Variants in GSN observed in about 807,000 individuals in gnomAD.
GSN encodes gelsolin, also known as actin-depolymerizing factor.
In GSN, 56 loss-of-function variants were observed where a neutral mutation model predicts 85.7. The ratio of observed to expected loss-of-function variants is 0.65; its 90% CI spans 0.53 to 0.82. The LOEUF (loss-of-function observed/expected upper bound fraction) is 0.82, where lower values mean the gene tolerates loss of function less well. GSN is among the 40% of genes least tolerant of loss of function. GSN has a pLI of 0.00. For synonymous variants in GSN, 373 were observed against 399.1 expected (o/e 0.93, Z 0.78); for missense variants, 857 against 979.8 (o/e 0.87, Z 1.67).
chr9:121,263,211 T>C (rs528299044), upstream of GSN, among the ~76,000 whole-genome samples: 54 of 152,142 alleles, frequency 3.5e-4, no homozygotes, highest in Non-Finnish European at 6.8e-4. Context: ...ATTCCCACCG[T>C]GGGGACTGGG....
intron 6 of GSN, 179 bp from the exon 7 acceptor site, chr9:121,313,755 A>G (rs933378633): frequency 4.7e-6 from 3 of 641,542 alleles, no homozygotes; most frequent in African/African-American, 3.6e-5. Flanking sequence ...GGTGGAAGGG[A>G]CCTCTGATGG....
At chr9:121,236,093 C>G (rs1019122518) in intron 5 of GSN, among the ~76,000 whole-genome samples, 2 of 152,204 alleles carry the variant, frequency 1.3e-5, no homozygotes, top group Non-Finnish European at 2.9e-5. Flanking sequence ...ATGGAAGGAG[C>G]TGTTCTCCAG....
chr9:121,308,369 G>C (rs1043218108), intron 4 of GSN: 4 of 152,276 alleles, frequency 2.6e-5, no homozygotes, highest in African/African-American at 9.6e-5. Context: ...GGATGACTGA[G>C]TGATCTTTGC....
chr9:121,225,099 A>G (rs1362724363), intron 4 of GSN, among the ~76,000 whole-genome samples: 5 of 152,186 alleles, frequency 3.3e-5, no homozygotes, highest in African/African-American at 1.2e-4. Context: ...GATTACAGGC[A>G]TGAGCTACCA....
At chr9:121,324,791 A>T in intron 12 of GSN, 147 bp downstream of exon 12, 1 of 675,668 alleles carries the variant, frequency 1.5e-6, no homozygotes, top group African/African-American at 1.8e-5. Context: ...CCATCCATCC[A>T]TCCATGGAAC....
At chr9:121,288,409 C>T (rs564241158) in intron 2 of GSN, among the ~76,000 whole-genome samples, 7 of 152,132 alleles carry the variant, frequency 4.6e-5, no homozygotes, top group Non-Finnish European at 8.8e-5. Flanking sequence ...GAGCTGGGCA[C>T]GTGGGAGGCT....
At position 121,332,331 on chromosome 9, in the gene GSN, T is replaced by C; in HGVS notation, c.2027-103T>C. On this transcript the variant is annotated intron_variant, in intron 17 of 17. Transcript: ENST00000432226. The surrounding 1 kb of genome is among the most constrained non-coding windows in gnomAD (Gnocchi z 4.8). ...GTGGGCAGTAGGGACAGTAGGACCA[T>C]AGACCCTCTTCTTTGTCAACTCCTG... The C allele has an allele frequency of 9.5e-7, 1 of 1,054,298 alleles. No homozygotes were observed. Among genetic ancestry groups the C allele is most frequent in the Non-Finnish European group, 1.5e-6 (1 of 670,278 alleles). 65.3% of individuals were successfully genotyped at this position (1,054,298 alleles called of 1,614,324 possible).
chr9:121,326,779 T>C (rs1378630617), intron 13 of GSN, 97 bp downstream of exon 13: 2 of 1,109,970 alleles, frequency 1.8e-6, no homozygotes, highest in East Asian at 2.3e-5. Context: ...GGGCAGGGGA[T>C]GGTGAATGAC....
intron 1 of GSN, chr9:121,280,911 A>G (rs2057287132): frequency 6.6e-6 from 1 of 151,214 alleles, no homozygotes; most frequent in Non-Finnish European, 1.5e-5. Flanking sequence ...GGCTCAATTA[A>G]TAGAAGCATG....
chr9:121,307,579 C>T (rs1306035868), intron 4 of GSN, among the ~76,000 whole-genome samples: 1 of 152,192 alleles, frequency 6.6e-6, no homozygotes, highest in East Asian at 1.9e-4. Flanking sequence ...AATGCTTAAT[C>T]TCTTTGAATC....
intron 5 of GSN, among the ~76,000 whole-genome samples, chr9:121,241,593 G>A (rs763873563): frequency 4.6e-5 from 7 of 152,192 alleles, no homozygotes; most frequent in African/African-American, 9.7e-5. Context: ...ATGATCATGT[G>A]AGAGAAAGTA....
intron 7 of GSN, among the ~76,000 whole-genome samples, chr9:121,316,645 AT>A (rs544705163): frequency 3.3e-5 from 5 of 151,838 alleles, no homozygotes. Context: ...TACTTTTTGT[AT>A]TTTTTGTAGA....
Position 121,302,180 on chromosome 9 carries a change from C to T in GSN, c.196+13C>T. The stretch of plus-strand genomic sequence containing the variant: ...CACTACTGGCTGGGTGAGGCTGGCC[C>T]TGCCCAGCCCCTGCCCCAGCCCCCA... On this transcript the variant is annotated intron_variant, in intron 3 of 17. Transcript: ENST00000432226. 2 of 1,612,058 alleles carry T rather than the reference C, an allele frequency of 1.2e-6. No homozygotes were observed. Among genetic ancestry groups the T allele is most frequent in the Non-Finnish European group, 1.7e-6 (2 of 1,179,208 alleles).
At chr9:121,307,892 A>T (rs2060591776) in intron 4 of GSN, among the ~76,000 whole-genome samples, 1 of 151,842 alleles carries the variant, frequency 6.6e-6, no homozygotes. Flanking sequence ...CATTGCCCTG[A>T]CCTATGTCCT....
chr9:121,312,740 G>GGGCTCAAGTGAT (rs770265981), intron 6 of GSN: 519 of 298,206 alleles, frequency 1.7e-3, no homozygotes, highest in South Asian at 2.6e-3. Context: ...TGATCCTCCT[G>GGGCTCAAGTGAT]CCTCAGCCTC....
In GSN at chr9:121,318,786, T is replaced by G. The variant is rs2133680196; in HGVS notation, c.1097T>G (p.Val366Gly). The change falls in exon 10 of 18, where the codon GTG becomes GGG. Residue 366 changes from valine (V) to glycine (G), a missense_variant. Coordinates refer to ENST00000432226, the MANE Select transcript of GSN (RefSeq NM_198252.3). This position sits in a 1 kb window ranked among gnomAD's most constrained non-coding sequence, Gnocchi z 4.3. ...LSYLSSHIAN[V>G]ERVPFDAATL... The stretch of plus-strand genomic sequence containing the variant: ...TACCTTTCCAGCCATATCGCCAACG[T>G]GGAGCGGGTGCCCTTCGACGCCGCC... 1 of 1,614,118 alleles carries G rather than the reference T, an allele frequency of 6.2e-7. No individual in the cohort carries two copies. The highest frequency in any genetic ancestry group is 2.2e-5 in the East Asian group (1 of 44,868).
upstream of GSN, among the ~76,000 whole-genome samples, chr9:121,266,059 G>C (rs1421391203): frequency 6.6e-6 from 1 of 152,066 alleles, no homozygotes; most frequent in Non-Finnish European, 1.5e-5. Context: ...ATGATTCCTG[G>C]TGATACCCTG....
At chr9:121,244,633 A>G (rs565659833) in intron 5 of GSN, among the ~76,000 whole-genome samples, 17 of 152,332 alleles carry the variant, frequency 1.1e-4, no homozygotes, top group Non-Finnish European at 2.2e-4. Context: ...GTGCAAGGCT[A>G]GCCACTGCAG....
intron 5 of GSN, among the ~76,000 whole-genome samples, chr9:121,241,884 G>A (rs1472888498): frequency 6.6e-6 from 1 of 152,194 alleles, no homozygotes; most frequent in Non-Finnish European, 1.5e-5. Flanking sequence ...CCTCCCCTCT[G>A]TCTCCAACCC....
Sources: gnomAD v4.1 joint callset for allele counts (sites outside exome capture counted in the v4.1 genomes callset) on GRCh38, gnomAD v4.1.1 for gene constraint, Gnocchi (gnomAD v3.1) non-coding constraint, MANE v1.5 for transcripts, NCBI Gene and HGNC (gene_info 2026-07-23, HGNC 2026-07-21) for gene names.